The following FAT3 variants were observed in gnomAD, a reference collection of about 807,000 sequenced individuals.
The protein encoded by FAT3 is FAT atypical cadherin 3.
FAT3 carries 95 observed loss-of-function variants against 310.2 expected under a neutral mutation model. The observed-to-expected ratio is 0.31, with a 90% confidence interval of 0.26 to 0.36. The LOEUF (loss-of-function observed/expected upper bound fraction) is 0.36, where lower values mean the gene tolerates loss of function less well. FAT3 is among the 10% of genes least tolerant of loss of function. FAT3 has a pLI of 1.00. For missense variants in FAT3, 5,408 were observed against 5,715.6 expected (o/e 0.95, Z 1.74); for synonymous variants, 2,314 against 2,192.9 (o/e 1.06, Z -1.54).
rs760507597 is a variant in FAT3 at position 92,866,881 on chromosome 11, G to A, written c.11799G>A (p.Leu3933=). The A allele has an allele frequency of 6.2e-7, 1 of 1,614,024 alleles. No individual in the cohort carries two copies. The highest frequency in any genetic ancestry group is 8.5e-7 in the Non-Finnish European group (1 of 1,179,898). Residue 3933 remains leucine (L), a synonymous_variant, in exon 22 of 28, where the codon CTG becomes CTA. Coordinates refer to ENST00000525166, the MANE Select transcript of FAT3 (RefSeq NM_001367949.2). ...ELNRNFTSLS[L]DDSYVERRRA... ...ACCGCAATTTCACGAGCCTGTCCCT[G>A]GATGACAGCTACGTGGAGCGGCGCC...
At chr11:92,434,202 G>C (rs570033534) in intron 2 of FAT3, among the ~76,000 whole-genome samples, 1 of 152,168 alleles carries the variant, frequency 6.6e-6, no homozygotes, top group African/African-American at 2.4e-5. Flanking sequence ...GTAGTGAAAT[G>C]GAAATTGCCT....
intron 2 of FAT3, among the ~76,000 whole-genome samples, chr11:92,425,840 A>T (rs1027763968): frequency 6.6e-6 from 1 of 152,170 alleles, no homozygotes; most frequent in African/African-American, 2.4e-5. Context: ...GCTCCAGTAA[A>T]CATATGTGTG....
At chr11:92,852,129 G>C (rs758716918) in intron 19 of FAT3, among the ~76,000 whole-genome samples, 1 of 152,108 alleles carries the variant, frequency 6.6e-6, no homozygotes, top group Non-Finnish European at 1.5e-5. Context: ...CTGAGACCAA[G>C]GGGACACATA....
chr11:92,492,309 A>T (rs1182533082), intron 2 of FAT3, among the ~76,000 whole-genome samples: 1 of 151,610 alleles, frequency 6.6e-6, no homozygotes, highest in African/African-American at 2.4e-5. Context: ...CCATCCATCC[A>T]TGCTCACTAA....
At chr11:92,319,564 T>C (rs572335919) in intron 1 of FAT3, among the ~76,000 whole-genome samples, 4 of 152,318 alleles carry the variant, frequency 2.6e-5, no homozygotes, top group Admixed American at 2.0e-4. Flanking sequence ...GCCAACAACA[T>C]TGATGCATCT....
At chr11:92,860,794 A>G (rs1240774055) in intron 21 of FAT3, among the ~76,000 whole-genome samples, 2 of 152,186 alleles carry the variant, frequency 1.3e-5, no homozygotes, top group East Asian at 1.9e-4. Flanking sequence ...TAATGATCAC[A>G]TAGGGCTTTA....
chr11:92,802,597 T>TG (rs549261450), intron 10 of FAT3, among the ~76,000 whole-genome samples: 1 of 152,056 alleles, frequency 6.6e-6, no homozygotes, highest in African/African-American at 2.4e-5. Flanking sequence ...AGTGGTTTCC[T>TG]GGGGGGCAGG....
intron 3 of FAT3, among the ~76,000 whole-genome samples, chr11:92,553,307 C>T (rs3858365): frequency 0.15 from 22,887 of 152,140 alleles, 1,903 homozygotes; most frequent in East Asian, 0.29. Context: ...AGCCCAATAT[C>T]AGGTATCACA....
intron 4 of FAT3, among the ~76,000 whole-genome samples, chr11:92,706,848 T>C (rs147245830): frequency 1.7e-3 from 252 of 152,280 alleles, no homozygotes; most frequent in African/African-American, 5.7e-3. Context: ...TCTGTTGACA[T>C]TGGAAATTAC....
chr11:92,502,984 C>CA (rs1343965949), intron 2 of FAT3, among the ~76,000 whole-genome samples: 4 of 152,110 alleles, frequency 2.6e-5, no homozygotes, highest in Non-Finnish European at 5.9e-5. Context: ...AGTAAACACT[C>CA]AAAGGTAGCC....
At chr11:92,622,176 C>T (rs776325353) in intron 3 of FAT3, among the ~76,000 whole-genome samples, 49 of 151,604 alleles carry the variant, frequency 3.2e-4, no homozygotes, top group African/African-American at 1.2e-3. Flanking sequence ...CCCAGCTAGT[C>T]GGGAGACTGA....
At chr11:92,388,819 T>A (rs1394131905) in intron 2 of FAT3, among the ~76,000 whole-genome samples, 1 of 152,206 alleles carries the variant, frequency 6.6e-6, no homozygotes, top group Non-Finnish European at 1.5e-5. Context: ...TACAGAAGAA[T>A]GCTTCGTGGG....
chr11:92,257,540 C>T (rs975136571), intron 1 of FAT3, among the ~76,000 whole-genome samples: 11 of 151,968 alleles, frequency 7.2e-5, no homozygotes, highest in Admixed American at 5.2e-4. Flanking sequence ...AAAAAAATAT[C>T]GACAAAATGT....
At chr11:92,645,120 T>C (rs548929131) in intron 3 of FAT3, among the ~76,000 whole-genome samples, 76 of 152,352 alleles carry the variant, frequency 5.0e-4, no homozygotes, top group African/African-American at 1.7e-3. Context: ...AGAACAATTC[T>C]TAAAATGTGC....
intron 3 of FAT3, among the ~76,000 whole-genome samples, chr11:92,586,645 T>A (rs1175626718): frequency 7.3e-6 from 1 of 137,014 alleles, no homozygotes; most frequent in Admixed American, 7.4e-5. Flanking sequence ...GTCAATAAAT[T>A]TAAATTTTTG....
chr11:92,255,998 G>A (rs1865300950), intron 1 of FAT3, among the ~76,000 whole-genome samples: 2 of 152,184 alleles, frequency 1.3e-5, no homozygotes, highest in South Asian at 4.1e-4. Context: ...CTAGAGTGTT[G>A]CACTCTGCTG....
intron 3 of FAT3, among the ~76,000 whole-genome samples, chr11:92,690,763 G>A (rs1943776264): frequency 6.6e-6 from 1 of 152,110 alleles, no homozygotes; most frequent in African/African-American, 2.4e-5. Flanking sequence ...TAAGTGCACA[G>A]CCTGATGTCC....
At chr11:92,601,610 T>C (rs527739231) in intron 3 of FAT3, among the ~76,000 whole-genome samples, 2 of 152,068 alleles carry the variant, frequency 1.3e-5, no homozygotes, top group Non-Finnish European at 2.9e-5. Context: ...AACCAAAGCA[T>C]ACACTACAAG....
chr11:92,679,012 A>C (rs1454453184), intron 3 of FAT3, among the ~76,000 whole-genome samples: 1 of 152,120 alleles, frequency 6.6e-6, no homozygotes, highest in Non-Finnish European at 1.5e-5. Flanking sequence ...CCATGTGTAC[A>C]CATTTTTTAG....
Sources: gnomAD v4.1 joint callset for allele counts (sites outside exome capture counted in the v4.1 genomes callset) on GRCh38, gnomAD v4.1.1 for gene constraint, MANE v1.5 for transcripts, NCBI Gene and HGNC (gene_info 2026-07-23, HGNC 2026-07-21) for gene names.